MMD2: variants seen among roughly 807,000 people sequenced by gnomAD.
MMD2 encodes the protein monocyte to macrophage differentiation associated 2, also known as monocyte to macrophage differentiation factor 2.
A neutral mutation model predicts 33.5 loss-of-function variants in MMD2; 30 were observed. The ratio of observed to expected loss-of-function variants is 0.90; its 90% CI spans 0.67 to 1.22. MMD2 has a LOEUF of 1.22. Ranked by LOEUF, MMD2 falls within the 50% of genes most tolerant of loss-of-function variation. The pLI, the probability that MMD2 is intolerant of heterozygous loss-of-function variation, is 0.00. For missense variants in MMD2, 364 were observed against 325.4 expected, an observed-to-expected ratio of 1.12 and a Z score of -0.91; for synonymous variants, 129 against 123.0, an observed-to-expected ratio of 1.05 and a Z score of -0.32.
chr7:4,926,086 G>A (rs960964939), intron 1 of MMD2, among the ~76,000 whole-genome samples: 4 of 151,758 alleles, frequency 2.6e-5, no homozygotes, highest in Non-Finnish European at 5.9e-5. Context: ...GATTACAGGC[G>A]TGAGATACCA....
the MMD2 span, among the ~76,000 whole-genome samples, chr7:4,898,979 A>AAGGAAGGAAGGAAGCT: frequency 6.6e-6 from 1 of 151,684 alleles, no homozygotes. Context: ...GGAAGCTAGG[A>AAGGAAGGAAGGAAGCT]AGGAAGGAAG....
Position 4,946,175 on chromosome 7 carries a change from GCA to G in MMD2, c.47+12794_47+12795del, listed in dbSNP as rs764804396. ...CACCCGCGCGCACACCTGCACACAT[GCA>G]CACACACGCGCGCACACCCACACAC... is the stretch of plus-strand genomic sequence containing the variant. On this transcript the variant is annotated intron_variant, in intron 1 of 6. Coordinates refer to ENST00000401401, the MANE Select transcript of MMD2 (RefSeq NM_198403.4). The surrounding 1 kb of genome is among the most constrained non-coding windows in gnomAD (Gnocchi z 5.0). Among the ~76,000 whole-genome samples, 43 of 147,698 alleles carry G rather than the reference GCA, an allele frequency of 2.9e-4. 1 individual carries two copies. Among genetic ancestry groups the G allele is most frequent in the Middle Eastern group, 3.5e-3 (1 of 288 alleles).
chr7:4,905,153 G>T (rs532419758), downstream of MMD2, among the ~76,000 whole-genome samples: 1 of 152,214 alleles, frequency 6.6e-6, no homozygotes, highest in Non-Finnish European at 1.5e-5. The surrounding 1 kb of genome is among the most constrained non-coding windows in gnomAD (Gnocchi z 5.0). Context: ...TCAGACTGAG[G>T]AGTCAGCAGC....
At chr7:4,952,777 C>T (rs1205586741) in intron 1 of MMD2, among the ~76,000 whole-genome samples, 4 of 151,140 alleles carry the variant, frequency 2.6e-5, no homozygotes, top group Non-Finnish European at 5.9e-5. Context: ...CCGCAGCCTC[C>T]GCCTCCTGGG....
chr7:4,947,800 A>T (rs529106470), intron 1 of MMD2, among the ~76,000 whole-genome samples: 8 of 147,344 alleles, frequency 5.4e-5, no homozygotes, highest in African/African-American at 2.0e-4. Flanking sequence ...CCCGGGTTCA[A>T]GCGATTTTCC....
intron 1 of MMD2, among the ~76,000 whole-genome samples, chr7:4,939,905 AT>A (rs1018019393): frequency 6.6e-6 from 1 of 151,614 alleles, no homozygotes; most frequent in Non-Finnish European, 1.5e-5. Flanking sequence ...ACACTGGCTA[AT>A]TTTTTTTGTA....
At chr7:4,916,143 G>C in intron 3 of MMD2, 64 bp from the exon 4 acceptor site, 1 of 1,516,062 alleles carries the variant, frequency 6.6e-7, no homozygotes, top group Non-Finnish European at 9.1e-7. Flanking sequence ...AGTGCCCCCA[G>C]AGCCGTGCCC....
chr7:4,927,496 G>A (rs113452351), intron 1 of MMD2, among the ~76,000 whole-genome samples: 2,566 of 152,042 alleles, frequency 0.017, 73 homozygotes, highest in African/African-American at 0.059. Flanking sequence ...AGCCAAGATC[G>A]TACCATTGCA....
At chr7:4,896,566 T>G in the MMD2 span, among the ~76,000 whole-genome samples, 1 of 152,318 alleles carries the variant, frequency 6.6e-6, no homozygotes, top group South Asian at 2.1e-4. Context: ...CCAACAGATG[T>G]GTGCATGAAC....
chr7:4,945,192 T>TTCTTCC (rs1786029086), intron 1 of MMD2, among the ~76,000 whole-genome samples: 2 of 131,042 alleles, frequency 1.5e-5, no homozygotes, highest in South Asian at 5.6e-4. Flanking sequence ...CTCTTTCTTC[T>TTCTTCC]TCTTCTTCTT....
intron 1 of MMD2, among the ~76,000 whole-genome samples, chr7:4,930,314 G>A (rs1785544650): frequency 6.7e-6 from 1 of 149,450 alleles, no homozygotes; most frequent in South Asian, 2.1e-4. Flanking sequence ...CAGTAGGGTG[G>A]GCCCCCATCC....
At chr7:4,939,469 G>C (rs1009023700) in intron 1 of MMD2, among the ~76,000 whole-genome samples, 5 of 149,888 alleles carry the variant, frequency 3.3e-5, no homozygotes, top group African/African-American at 1.2e-4. Context: ...CTTGAACCCA[G>C]GAATTTGAGG....
At chr7:4,902,801 C>G (rs917185538), downstream of MMD2, among the ~76,000 whole-genome samples, 2 of 152,164 alleles carry the variant, frequency 1.3e-5, no homozygotes, top group Non-Finnish European at 2.9e-5. Context: ...CTCTACCTGC[C>G]CCCTCTCAGC....
chr7:4,903,827 G>C (rs569929715), downstream of MMD2, among the ~76,000 whole-genome samples: 1 of 152,340 alleles, frequency 6.6e-6, no homozygotes, highest in East Asian at 1.9e-4. Flanking sequence ...CTGCTCTCCT[G>C]ACTCCCTGAG....
downstream of MMD2, chr7:4,905,844 C>A (rs1188984177): frequency 6.5e-6 from 1 of 152,730 alleles, no homozygotes; most frequent in Non-Finnish European, 1.5e-5. This position sits in a 1 kb window ranked among gnomAD's most constrained non-coding sequence, Gnocchi z 5.0. Context: ...AGACAGCTTC[C>A]AGGCATTAGG....
intron 1 of MMD2, among the ~76,000 whole-genome samples, chr7:4,933,455 C>T (rs765169164): frequency 8.5e-5 from 13 of 152,206 alleles, no homozygotes; most frequent in South Asian, 2.1e-4. Context: ...TAATTATTCT[C>T]GACTCTTCCA....
intron 2 of MMD2, among the ~76,000 whole-genome samples, chr7:4,924,243 G>A (rs989561572): frequency 8.5e-5 from 13 of 152,194 alleles, no homozygotes; most frequent in Non-Finnish European, 1.8e-4. Context: ...AGAACCAAGT[G>A]TGGTCCAGGC....
In MMD2 at chr7:4,907,049, G is replaced by A. The variant is rs965877121; in HGVS notation, c.*347C>T. Reference sequence around the variant, plus strand: ...AAACAACCCACAGGACTCTTTGCCAGATTCTTCAGGACCTTAGGAAACACA... The same window carrying A: ...AAACAACCCACAGGACTCTTTGCCAAATTCTTCAGGACCTTAGGAAACACA... On this transcript the variant is annotated 3_prime_UTR_variant, in exon 7 of 7. Coordinates refer to ENST00000401401, the MANE Select transcript of MMD2 (RefSeq NM_198403.4). 5.4e-5 allele frequency: 16 copies of A among 295,328 alleles called. No homozygotes were observed. The South Asian group carries it at 7.0e-4, about 13-fold the overall frequency. The allele number at this position is 295,328 out of a possible 1,614,324, so 18.3% of individuals were successfully genotyped here.
chr7:4,924,956 G>C lies in MMD2; in HGVS notation c.129+495C>G, dbSNP rs143557753. 4.6e-5 allele frequency among the ~76,000 whole-genome samples: 7 copies of C among 151,994 alleles called. No homozygotes were observed. In the East Asian group the frequency reaches 1.4e-3, roughly 29 times the overall value. On this transcript the variant is annotated intron_variant, in intron 2 of 6. Coordinates refer to ENST00000401401, the MANE Select transcript of MMD2 (RefSeq NM_198403.4). ...TTTTGTTTGTTTGTTTTTGAGACAG[G>C]GTCTTGCTCTGTCACCCAGGCTGGA...
Sources: gnomAD v4.1 joint callset for allele counts (sites outside exome capture counted in the v4.1 genomes callset) on GRCh38, gnomAD v4.1.1 for gene constraint, Gnocchi (gnomAD v3.1) non-coding constraint, MANE v1.5 for transcripts, NCBI Gene and HGNC (gene_info 2026-07-23, HGNC 2026-07-21) for gene names.